The following NAA16 variants were observed in gnomAD, a reference collection of about 807,000 sequenced individuals.
NAA16 encodes the protein NARG1-like protein.
A neutral mutation model predicts 110.3 loss-of-function variants in NAA16; 97 were observed. That is an observed-to-expected ratio of 0.88 (90% CI 0.75 to 1.04). The LOEUF is 1.04. NAA16 is among the 50% of genes least tolerant of loss of function. NAA16 has a pLI of 0.00. For missense variants in NAA16, 1,017 were observed against 1,005.1 expected (o/e 1.01, Z -0.16); for synonymous variants, 372 against 330.6 (o/e 1.13, Z -1.36).
In NAA16 at chr13:41,367,471, CT is replaced by C. The variant is rs757072675; in HGVS notation, c.1574del (p.Phe525SerfsTer6). On this transcript the variant is annotated frameshift_variant, in exon 14 of 20. Transcript: ENST00000379406. LOFTEE classifies it high-confidence loss of function. The stretch of plus-strand genomic sequence containing the variant: ...TTGAGATAACTGATGACCAATTCGA[CT>C]TCCATACATACTGCATGAGAAAGAT... Reference protein sequence around the residue: ...FFEITDDQFDFHTYCMRKMTL... With the variant: ...FFEITDDQFDXHTYCMRKMTL... 1 of 1,607,100 alleles carries C rather than the reference CT, an allele frequency of 6.2e-7. No homozygotes were observed.
At chr13:41,341,470 A>G (rs759718038) in intron 9 of NAA16, among the ~76,000 whole-genome samples, 5 of 152,184 alleles carry the variant, frequency 3.3e-5, no homozygotes, top group Middle Eastern at 3.2e-3. Flanking sequence ...GTAATCCAGC[A>G]CTTTGGGAGG....
At chr13:41,371,339 A>G (rs2043312684) in intron 15 of NAA16, among the ~76,000 whole-genome samples, 1 of 152,212 alleles carries the variant, frequency 6.6e-6, no homozygotes, top group South Asian at 2.1e-4. Flanking sequence ...ACCAAAGCAA[A>G]CAGTGGAAAG....
At chr13:41,340,570 C>T (rs1179640374) in intron 9 of NAA16, among the ~76,000 whole-genome samples, 3 of 149,002 alleles carry the variant, frequency 2.0e-5, no homozygotes, top group Non-Finnish European at 4.5e-5. Flanking sequence ...TTATTTCTGC[C>T]TTCATTTTGT....
At chr13:41,360,228 T>A (rs2043084589) in intron 12 of NAA16, among the ~76,000 whole-genome samples, 3 of 152,128 alleles carry the variant, frequency 2.0e-5, no homozygotes. Context: ...TCCAAAATGC[T>A]CCAAAACTTG....
intron 9 of NAA16, chr13:41,354,435 C>T (rs1372375829): frequency 6.6e-6 from 1 of 152,108 alleles, no homozygotes; most frequent in Non-Finnish European, 1.5e-5. Flanking sequence ...GTGAGGGGAA[C>T]CATAGTGAAT....
At chr13:41,353,651 T>A (rs2042901116) in intron 9 of NAA16, among the ~76,000 whole-genome samples, 1 of 151,582 alleles carries the variant, frequency 6.6e-6, no homozygotes, top group Non-Finnish European at 1.5e-5. Context: ...CCTGTAGTCT[T>A]AGTTGCTTGG....
chr13:41,343,261 T>A (rs2042599641), intron 9 of NAA16, among the ~76,000 whole-genome samples: 1 of 152,098 alleles, frequency 6.6e-6, no homozygotes, highest in African/African-American at 2.4e-5. Flanking sequence ...CCTAGTTAAT[T>A]TTTTAATTTG....
intron 10 of NAA16, among the ~76,000 whole-genome samples, chr13:41,356,417 TC>T: frequency 7.0e-6 from 1 of 142,232 alleles, no homozygotes; most frequent in Non-Finnish European, 1.5e-5. Context: ...ACAGAAGAAG[TC>T]ATCGCAGTGC....
At chr13:41,350,140 G>A (rs979650953) in intron 9 of NAA16, among the ~76,000 whole-genome samples, 5 of 151,228 alleles carry the variant, frequency 3.3e-5, no homozygotes, top group Admixed American at 1.3e-4. Context: ...GTACAGTGGC[G>A]CATTCTAGAT....
At position 41,341,190 on chromosome 13, in the gene NAA16, G is replaced by A. The variant is rs141104748; in HGVS notation, c.1014+4434G>A. Among the ~76,000 whole-genome samples the A allele has an allele frequency of 1.2e-4, 19 of 152,278 alleles. No homozygotes were observed. The East Asian group carries it at 3.5e-3, about 28-fold the overall frequency. On this transcript the variant is annotated intron_variant, in intron 9 of 19. Transcript: ENST00000379406. ...TATTAGGTCTGCTTGGTACAGCGAT[G>A]AGTTCAAGTCCTGGATATTTAGGTT...
At chr13:41,317,344 T>G (rs1290241164) in intron 2 of NAA16, among the ~76,000 whole-genome samples, 2 of 152,226 alleles carry the variant, frequency 1.3e-5, no homozygotes, top group African/African-American at 4.8e-5. Context: ...GTTTTGTTTT[T>G]TTTTAGTATG....
In NAA16 at chr13:41,320,823, GAGTA is replaced by G; in HGVS notation, c.402+4_402+7del. ...CAAATGAGAGACCTTGAAGGTTACCGAGTAAGTACTTCATTCTTAAATGTACATG... is the reference window on the plus strand; with the variant it reads ...CAAATGAGAGACCTTGAAGGTTACCGAGTACTTCATTCTTAAATGTACATG... On this transcript the variant is annotated splice_donor_variant and splice_donor_region_variant and coding_sequence_variant and intron_variant, in exon 4 of 20. Transcript: ENST00000379406. LOFTEE classifies it high-confidence loss of function. The G allele has an allele frequency of 6.3e-7, 1 of 1,591,412 alleles. No homozygotes were observed. Among genetic ancestry groups the G allele is most frequent in the South Asian group, 1.2e-5 (1 of 86,874 alleles).
chr13:41,316,114 G>T (rs2139364673), intron 1 of NAA16, among the ~76,000 whole-genome samples: 1 of 151,996 alleles, frequency 6.6e-6, no homozygotes, highest in East Asian at 1.9e-4. Context: ...AGTATTGATT[G>T]GTGAATTGTC....
intron 10 of NAA16, among the ~76,000 whole-genome samples, chr13:41,357,069 A>G (rs1397831055): frequency 1.3e-5 from 2 of 152,204 alleles, no homozygotes; most frequent in African/African-American, 4.8e-5. Flanking sequence ...CTGTGATCCC[A>G]ACACTTTTGG....
At position 41,331,365 on chromosome 13, in the gene NAA16, C is replaced by G; in HGVS notation, c.903C>G (p.Val301=). 1 of 1,580,648 alleles carries G rather than the reference C, an allele frequency of 6.3e-7. No homozygotes were observed. Among genetic ancestry groups the G allele is most frequent in the Non-Finnish European group, 8.7e-7 (1 of 1,153,556 alleles). Residue 301 remains valine (V), a synonymous_variant, in exon 8 of 20, where the codon GTC becomes GTG. Transcript: ENST00000379406. ...CCAGAAGATTACCTTTGACTCTTGT[C>G]CCAGGTAATATTAAGATGTCTTTTA... ...ITPRRLPLTL[V]PGERFRELMD...
chr13:41,358,663 G>A lies in NAA16; in HGVS notation c.1258-147G>A, dbSNP rs191777749. Reference sequence around the variant, plus strand: ...AGATGTGTAATCATTTGAGCTCTTAGTAAATGTGAACTGTAATTTTGATTT... The same window carrying A: ...AGATGTGTAATCATTTGAGCTCTTAATAAATGTGAACTGTAATTTTGATTT... On this transcript the variant is annotated intron_variant, in intron 11 of 19. Transcript: ENST00000379406. The A allele has an allele frequency of 2.6e-4, 365 of 1,429,964 alleles. No homozygotes were observed. The African/African-American group carries it at 4.7e-3, about 19-fold the overall frequency. The allele number at this position is 1,429,964 out of a possible 1,614,324, so 88.6% of individuals were successfully genotyped here. A position where few individuals can be genotyped will look rare whatever the true frequency, so the allele number is the denominator to read the frequency against.
At chr13:41,340,295 A>G (rs1338234791) in intron 9 of NAA16, among the ~76,000 whole-genome samples, 2 of 151,910 alleles carry the variant, frequency 1.3e-5, no homozygotes, top group Non-Finnish European at 2.9e-5. Context: ...GGATTCATTG[A>G]TTTTTTTGAA....
intron 9 of NAA16, among the ~76,000 whole-genome samples, chr13:41,350,646 G>A (rs1207150699): frequency 7.6e-6 from 1 of 131,370 alleles, no homozygotes; most frequent in African/African-American, 2.9e-5. Context: ...TAAGATAAGA[G>A]TTTCACTCCC....
intron 6 of NAA16, among the ~76,000 whole-genome samples, chr13:41,326,160 A>G (rs2042088746): frequency 6.6e-6 from 1 of 152,182 alleles, no homozygotes; most frequent in African/African-American, 2.4e-5. Context: ...TTCATATTGA[A>G]TATGTATCTC....
Sources: gnomAD v4.1 joint callset for allele counts (sites outside exome capture counted in the v4.1 genomes callset) on GRCh38, gnomAD v4.1.1 for gene constraint, MANE v1.5 for transcripts, NCBI Gene and HGNC (gene_info 2026-07-23, HGNC 2026-07-21) for gene names.